Variants in R3HDM2 observed in about 807,000 individuals in gnomAD.
R3HDM2 encodes R3H domain containing 2.
R3HDM2 carries 38 observed loss-of-function variants against 124.5 expected under a neutral mutation model. That is an observed-to-expected ratio of 0.31 (90% CI 0.24 to 0.40). The LOEUF (loss-of-function observed/expected upper bound fraction) is 0.40, where lower values mean the gene tolerates loss of function less well. Ranked by LOEUF, R3HDM2 falls within the 10% of genes least tolerant of loss-of-function variation. R3HDM2 has a pLI of 1.00. For missense variants in R3HDM2, 869 were observed against 1,236.9 expected (o/e 0.70, Z 4.46); for synonymous variants, 391 against 448.0 (o/e 0.87, Z 1.61).
intron 2 of R3HDM2, among the ~76,000 whole-genome samples, chr12:57,337,639 A>G (rs1478252391): frequency 6.6e-6 from 1 of 152,190 alleles, no homozygotes; most frequent in African/African-American, 2.4e-5. Context: ...AAAACCCGAA[A>G]CATTGCACTC....
chr12:57,322,624 G>A (rs1165863437), intron 2 of R3HDM2, among the ~76,000 whole-genome samples: 2 of 152,016 alleles, frequency 1.3e-5, no homozygotes, highest in African/African-American at 4.8e-5. Flanking sequence ...ATTCTTTCTC[G>A]ACTTTTTTTT....
chr12:57,297,968 A>AG (rs1365522341), intron 7 of R3HDM2, 122 bp downstream of exon 7: 2 of 727,354 alleles, frequency 2.7e-6, no homozygotes, highest in African/African-American at 1.8e-5. Context: ...GACAAATACT[A>AG]GGGGGACAGG....
chr12:57,268,472 G>C lies in R3HDM2; in HGVS notation c.1876-15C>G, dbSNP rs898955743. ...CCCACTGGAACCTGGGTGAGAAAGAGAAGAGAAAGAATCACATTCGCATTC... is the reference window on the plus strand; with the variant it reads ...CCCACTGGAACCTGGGTGAGAAAGACAAGAGAAAGAATCACATTCGCATTC... On this transcript the variant is annotated splice_polypyrimidine_tract_variant and intron_variant, in intron 17 of 23. Transcript: ENST00000402412. 3.7e-6 allele frequency: 6 copies of C among 1,613,230 alleles called. No individual in the cohort carries two copies. The highest frequency in any genetic ancestry group is 3.3e-5 in the Admixed American group (2 of 59,894).
chr12:57,429,905 C>G (rs1472793946), intron 1 of R3HDM2, among the ~76,000 whole-genome samples: 1 of 152,150 alleles, frequency 6.6e-6, no homozygotes, highest in Non-Finnish European at 1.5e-5. Flanking sequence ...TGAAACCTGT[C>G]ACTTTCCTCC....
At chr12:57,408,110 A>G (rs2068692026) in intron 1 of R3HDM2, among the ~76,000 whole-genome samples, 1 of 152,088 alleles carries the variant, frequency 6.6e-6, no homozygotes, top group Non-Finnish European at 1.5e-5. Context: ...TTATTATTTT[A>G]GGAAGAAACA....
intron 2 of R3HDM2, among the ~76,000 whole-genome samples, chr12:57,359,974 T>C (rs2061685062): frequency 6.7e-6 from 1 of 148,282 alleles, no homozygotes; most frequent in South Asian, 2.1e-4. Flanking sequence ...GGTCCACTTA[T>C]ATGTGAATTG....
rs1594716175 is a variant in R3HDM2, at chr12:57,430,920, A to G, written c.-306T>C. 1.1e-5 allele frequency: 1 copy of G among 95,024 alleles called. No individual in the cohort carries two copies. The highest frequency in any genetic ancestry group is 4.1e-5 in the African/African-American group (1 of 24,220). 5.9% of individuals were successfully genotyped at this position (95,024 alleles called of 1,614,324 possible). A position where few individuals can be genotyped will look rare whatever the true frequency, so the allele number is the denominator to read the frequency against. On this transcript the variant is annotated 5_prime_UTR_variant, in exon 1 of 24. Coordinates refer to ENST00000402412, the MANE Select transcript of R3HDM2 (RefSeq NM_001394031.1). ...GGGAGGGGAAAGGGGCTTGGGAAGG[A>G]GGGGGGAGAGGGGAAGAAAAGGGGG...
intron 2 of R3HDM2, among the ~76,000 whole-genome samples, chr12:57,322,721 T>C (rs1455742243): frequency 1.3e-5 from 2 of 152,164 alleles, no homozygotes; most frequent in South Asian, 2.1e-4. Context: ...AAAGCTCAGA[T>C]AAATCTAATA....
At position 57,421,313 on chromosome 12, in the gene R3HDM2, G is replaced by A. The variant is rs1399814523; in HGVS notation, c.-106+9407C>T. Among the ~76,000 whole-genome samples, 5 of 148,800 alleles carry A rather than the reference G, an allele frequency of 3.4e-5. No homozygotes were observed. In the East Asian group the frequency reaches 7.8e-4, roughly 23 times the overall value. The stretch of plus-strand genomic sequence containing the variant: ...ATTACAGGCATGCACAACCACTCCC[G>A]GCTAATTTTGTATTTTTAGTAGAGA... On this transcript the variant is annotated intron_variant, in intron 1 of 23. Coordinates refer to ENST00000402412, the MANE Select transcript of R3HDM2 (RefSeq NM_001394031.1).
At position 57,310,278 on chromosome 12, in the gene R3HDM2, G is replaced by A; in HGVS notation, c.151C>T (p.Arg51Cys). The A allele has an allele frequency of 1.3e-6, 2 of 1,534,462 alleles. No homozygotes were observed. The highest frequency in any genetic ancestry group is 1.8e-6 in the Non-Finnish European group (2 of 1,140,792). Residue 51 changes from arginine to cysteine, a missense_variant, in exon 3 of 24, where the codon CGT becomes TGT. By Grantham distance (180) the Arg-to-Cys change is radical. Transcript: ENST00000402412. The part of the protein sequence containing the change: ...IEKECEDTSL[R>C]QETQRRTSNH... ...CCAATCGTTACCTGTGTCTCCTGAC[G>A]CAAACTGGTATCTTCACATTCTTTC...
At chr12:57,325,236 G>A (rs1412676881) in intron 2 of R3HDM2, among the ~76,000 whole-genome samples, 4 of 152,246 alleles carry the variant, frequency 2.6e-5, no homozygotes, top group East Asian at 1.9e-4. Context: ...TCCACCTCCC[G>A]GGTTCAAGAG....
chr12:57,268,194 T>C (rs1225594811), intron 18 of R3HDM2, 109 bp downstream of exon 18: 1 of 1,239,018 alleles, frequency 8.1e-7, no homozygotes. Context: ...AGGGAACTAC[T>C]GGGATCTTTA....
chr12:57,280,028 A>G (rs2045782479), intron 14 of R3HDM2, among the ~76,000 whole-genome samples: 1 of 152,224 alleles, frequency 6.6e-6, no homozygotes, highest in South Asian at 2.1e-4. Flanking sequence ...TGTAATGGAA[A>G]AAAATGCCTT....
intron 14 of R3HDM2, chr12:57,272,584 A>G: frequency 1.4e-6 from 1 of 694,370 alleles, no homozygotes; most frequent in Non-Finnish European, 1.9e-6. Context: ...CATGTGGAAA[A>G]GGGAAGAGAA....
intron 5 of R3HDM2, among the ~76,000 whole-genome samples, chr12:57,299,854 G>A (rs935394620): frequency 2.6e-5 from 4 of 152,154 alleles, no homozygotes; most frequent in African/African-American, 4.8e-5. Context: ...CTCTCACTAT[G>A]CTGGGGTTTT....
chr12:57,271,323 C>G (rs1414409106), intron 14 of R3HDM2, among the ~76,000 whole-genome samples: 5 of 152,176 alleles, frequency 3.3e-5, no homozygotes, highest in African/African-American at 9.7e-5. Flanking sequence ...TAATTGCCTT[C>G]TCTCTCAGCT....
At chr12:57,430,090 C>T (rs977214013) in intron 1 of R3HDM2, among the ~76,000 whole-genome samples, 4 of 152,160 alleles carry the variant, frequency 2.6e-5, no homozygotes, top group African/African-American at 9.7e-5. Context: ...GTTATTCGGT[C>T]ATTTCTCATC....
intron 1 of R3HDM2, among the ~76,000 whole-genome samples, chr12:57,407,385 TTTAATA>T (rs1054053788): frequency 8.5e-5 from 13 of 152,164 alleles, no homozygotes; most frequent in African/African-American, 3.1e-4. Context: ...ACACCAGATA[TTTAATA>T]TTAAGGAATT....
At chr12:57,283,744 A>AG in intron 13 of R3HDM2, 80 bp downstream of exon 13, 2 of 1,437,860 alleles carry the variant, frequency 1.4e-6, no homozygotes, top group East Asian at 4.6e-5. Flanking sequence ...TCTCAAAAAA[A>AG]AAAGTAAATA....
Sources: gnomAD v4.1 joint callset for allele counts (sites outside exome capture counted in the v4.1 genomes callset) on GRCh38, gnomAD v4.1.1 for gene constraint, MANE v1.5 for transcripts, NCBI Gene and HGNC (gene_info 2026-07-23, HGNC 2026-07-21) for gene names.